The following CTNNA3 variants were observed in gnomAD, a reference collection of about 807,000 sequenced individuals.
CTNNA3 encodes the protein catenin alpha 3, also known as catenin alpha-3.
In CTNNA3, 76 loss-of-function variants were observed where a neutral mutation model predicts 95.7. The ratio of observed to expected loss-of-function variants is 0.79; its 90% confidence interval spans 0.66 to 0.96. CTNNA3 has a LOEUF of 0.96. Among genes scored for constraint, CTNNA3 ranks in the 40% least tolerant of loss-of-function variants. The probability of loss-of-function intolerance (pLI) is 0.00; values close to 1 mark genes in which losing one functional copy is unlikely to be tolerated. For synonymous variants in CTNNA3, 431 were observed against 374.4 expected, an observed-to-expected ratio of 1.15 and a Z score of -1.74; for missense variants, 1,191 against 1,089.8, an observed-to-expected ratio of 1.09 and a Z score of -1.31.
chr10:67,114,077 C>CAAA (rs11454339), intron 7 of CTNNA3, among the ~76,000 whole-genome samples: 1 of 136,236 alleles, frequency 7.3e-6, no homozygotes, highest in African/African-American at 2.8e-5. Flanking sequence ...GGGGAGAACT[C>CAAA]AAAAAAAAAA....
At chr10:67,317,911 G>A (rs1449170664) in intron 5 of CTNNA3, among the ~76,000 whole-genome samples, 1 of 67,830 alleles carries the variant, frequency 1.5e-5, no homozygotes, top group Non-Finnish European at 6.5e-5. Context: ...AACCACAGTT[G>A]AATCTCTTTA....
At chr10:66,537,487 G>A (rs12413328) in intron 10 of CTNNA3, among the ~76,000 whole-genome samples, 9,650 of 151,752 alleles carry the variant, frequency 0.064, 488 homozygotes, top group East Asian at 0.24. Context: ...ATAAACTCAA[G>A]GCAAACTTGT....
intron 11 of CTNNA3, among the ~76,000 whole-genome samples, chr10:66,474,374 C>A (rs1158323149): frequency 6.6e-6 from 1 of 152,016 alleles, no homozygotes; most frequent in African/African-American, 2.4e-5. Context: ...TTGCAAATGA[C>A]AATATTTCAT....
rs539355784 is a variant in CTNNA3, at chr10:66,087,073, G to A, written c.1977+16084C>T. Among the ~76,000 whole-genome samples the A allele has an allele frequency of 3.2e-4, 48 of 151,922 alleles. 1 individual carries two copies. The highest frequency in any genetic ancestry group is 1.1e-3 in the African/African-American group (45 of 41,470). ...TGATTCCTTCTTCCTTTTCCTTGTCGCCACATGTGCAGGTGTCATGGCACC... is the reference window on the plus strand; with the variant it reads ...TGATTCCTTCTTCCTTTTCCTTGTCACCACATGTGCAGGTGTCATGGCACC... On this transcript the variant is annotated intron_variant, in intron 14 of 17. Coordinates refer to ENST00000433211, the MANE Select transcript of CTNNA3 (RefSeq NM_013266.4).
At chr10:66,463,584 T>C (rs2093543948) in intron 11 of CTNNA3, among the ~76,000 whole-genome samples, 1 of 152,166 alleles carries the variant, frequency 6.6e-6, no homozygotes, top group African/African-American at 2.4e-5. Flanking sequence ...CAGAAAACTT[T>C]ACCAGTAAAA....
At chr10:66,221,852 A>G (rs1162268158) in intron 13 of CTNNA3, among the ~76,000 whole-genome samples, 1 of 152,196 alleles carries the variant, frequency 6.6e-6, no homozygotes, top group East Asian at 1.9e-4. Context: ...TTGTCAGTCA[A>G]GTATAATTTT....
At chr10:66,233,675 A>T (rs2132017812) in intron 13 of CTNNA3, among the ~76,000 whole-genome samples, 1 of 152,258 alleles carries the variant, frequency 6.6e-6, no homozygotes, top group South Asian at 2.1e-4. Context: ...GTTGGCCAAA[A>T]TGTGGACCAA....
At chr10:67,604,591 A>G (rs1202725382) in intron 3 of CTNNA3, among the ~76,000 whole-genome samples, 16 of 152,368 alleles carry the variant, frequency 1.1e-4, no homozygotes, top group Non-Finnish European at 1.2e-4. Context: ...CTGAGAGACA[A>G]CAAGGAGAAA....
At chr10:66,698,501 G>A (rs982502309) in intron 9 of CTNNA3, among the ~76,000 whole-genome samples, 2 of 152,170 alleles carry the variant, frequency 1.3e-5, no homozygotes, top group African/African-American at 4.8e-5. Context: ...AAAATGTTAA[G>A]TGGTATTTCA....
At chr10:66,557,227 A>G (rs1046691222) in intron 10 of CTNNA3, among the ~76,000 whole-genome samples, 3 of 152,112 alleles carry the variant, frequency 2.0e-5, no homozygotes, top group South Asian at 4.2e-4. Flanking sequence ...CAAAATGGGG[A>G]AAAACAATAT....
At chr10:67,660,888 G>A (rs945390857) in intron 1 of CTNNA3, among the ~76,000 whole-genome samples, 34 of 147,620 alleles carry the variant, frequency 2.3e-4, no homozygotes, top group Non-Finnish European at 2.8e-4. Context: ...CCAAGATCGC[G>A]CCACTGCACT....
intron 6 of CTNNA3, among the ~76,000 whole-genome samples, chr10:67,182,583 C>T (rs1055060550): frequency 1.3e-5 from 2 of 151,994 alleles, no homozygotes; most frequent in Admixed American, 1.3e-4. Context: ...ACCATAAAAA[C>T]CCTAGAAGAA....
chr10:67,365,942 C>T (rs1423621855), intron 5 of CTNNA3, among the ~76,000 whole-genome samples: 1 of 152,188 alleles, frequency 6.6e-6, no homozygotes, highest in Non-Finnish European at 1.5e-5. Flanking sequence ...TTTATTGCGG[C>T]ACTATTCACA....
At position 67,332,725 on chromosome 10, in the gene CTNNA3, T is replaced by C. The variant is rs562982691; in HGVS notation, c.580-112855A>G. 9.8e-5 allele frequency among the ~76,000 whole-genome samples: 15 copies of C among 152,332 alleles called. No homozygotes were observed. In the South Asian group the frequency reaches 2.9e-3, roughly 29 times the overall value. On this transcript the variant is annotated intron_variant, in intron 5 of 17. Coordinates refer to ENST00000433211, the MANE Select transcript of CTNNA3 (RefSeq NM_013266.4). ...TTAAAAGCAATTTTCCCTAATTTCATATCCCATGATTTGGAGTCGATTGTC... is the reference window on the plus strand; with the variant it reads ...TTAAAAGCAATTTTCCCTAATTTCACATCCCATGATTTGGAGTCGATTGTC...
intron 1 of CTNNA3, among the ~76,000 whole-genome samples, chr10:67,672,334 C>G (rs1564822126): frequency 6.6e-6 from 1 of 152,094 alleles, no homozygotes; most frequent in Non-Finnish European, 1.5e-5. Context: ...ATGGTAGTTT[C>G]TTCTGCTGTG....
chr10:67,242,376 T>C (rs1865748526), intron 5 of CTNNA3, among the ~76,000 whole-genome samples: 1 of 152,244 alleles, frequency 6.6e-6, no homozygotes, highest in Non-Finnish European at 1.5e-5. Context: ...TAATGGTTGA[T>C]TTTCCCACAG....
In CTNNA3 at chr10:67,318,013, A is replaced by ATT. The variant is rs11302311; in HGVS notation, c.580-98145_580-98144dup. 2.7e-5 allele frequency among the ~76,000 whole-genome samples: 4 copies of ATT among 149,132 alleles called. No individual in the cohort carries two copies. In the East Asian group the frequency reaches 5.9e-4, roughly 22 times the overall value. On this transcript the variant is annotated intron_variant, in intron 5 of 17. Coordinates refer to ENST00000433211, the MANE Select transcript of CTNNA3 (RefSeq NM_013266.4). ...GATGGCTTAACAGGCAATGAAAACCATTTTTTTTTTTTTACATAAGGAGGG... is the reference window on the plus strand; with the variant it reads ...GATGGCTTAACAGGCAATGAAAACCATTTTTTTTTTTTTTTACATAAGGAGGG...
intron 7 of CTNNA3, among the ~76,000 whole-genome samples, chr10:66,910,665 A>G (rs1589412122): frequency 1.3e-5 from 2 of 152,358 alleles, no homozygotes; most frequent in East Asian, 3.9e-4. Context: ...ACCATGAATA[A>G]GCTAGAGCTG....
intron 7 of CTNNA3, among the ~76,000 whole-genome samples, chr10:67,043,832 G>A (rs1854556593): frequency 6.6e-6 from 1 of 151,884 alleles, no homozygotes; most frequent in Admixed American, 6.6e-5. Flanking sequence ...ATACAGTGAG[G>A]ACTACTTTTT....
Sources: gnomAD v4.1 joint callset for allele counts (sites outside exome capture counted in the v4.1 genomes callset) on GRCh38, gnomAD v4.1.1 for gene constraint, MANE v1.5 for transcripts, NCBI Gene and HGNC (gene_info 2026-07-23, HGNC 2026-07-21) for gene names.